Variants in PPP2R2B observed in about 807,000 individuals in gnomAD.
The protein encoded by PPP2R2B is protein phosphatase 2 regulatory subunit Bbeta, also known as serine/threonine-protein phosphatase 2A 55 kDa regulatory subunit B beta isoform.
PPP2R2B carries 5 observed loss-of-function variants against 46.0 expected under a neutral mutation model. That is an observed-to-expected ratio of 0.11 (90% confidence interval 0.06 to 0.23). The LOEUF (loss-of-function observed/expected upper bound fraction) is 0.23. Among genes scored for constraint, PPP2R2B ranks in the 10% least tolerant of loss-of-function variants. The pLI, the probability that PPP2R2B is intolerant of heterozygous loss-of-function variation, is 1.00. For synonymous variants in PPP2R2B, 215 were observed against 206.7 expected (o/e 1.04, Z -0.34); for missense variants, 367 against 575.0 (o/e 0.64, Z 3.70).
At chr5:146,867,397 A>C (rs1460319205) in intron 2 of PPP2R2B, among the ~76,000 whole-genome samples, 21 of 152,116 alleles carry the variant, frequency 1.4e-4, no homozygotes, top group Non-Finnish European at 2.1e-4. Context: ...GAAATTAGTA[A>C]ATTTAAATGG....
intron 2 of PPP2R2B, among the ~76,000 whole-genome samples, chr5:146,723,329 G>T (rs1751644429): frequency 6.6e-6 from 1 of 152,118 alleles, no homozygotes; most frequent in Non-Finnish European, 1.5e-5. Context: ...CAGTCATTCA[G>T]CTTTCCTTTA....
In PPP2R2B at chr5:146,582,174, C is replaced by A. The variant is rs1328843670; in HGVS notation, c.*7773G>T. 6.6e-6 allele frequency: 1 copy of A among 152,194 alleles called. No individual in the cohort carries two copies. The highest frequency in any genetic ancestry group is 2.4e-5 in the African/African-American group (1 of 41,430). 9.4% of individuals were successfully genotyped at this position (152,194 alleles called of 1,614,324 possible). ...TGAAAGATTTCTTTGGGGGTCTTGC[C>A]TTTCCCTAAGAACATCTAGGGGAAG... On this transcript the variant is annotated 3_prime_UTR_variant, in exon 10 of 10. Coordinates refer to ENST00000394411, the MANE Select transcript of PPP2R2B (RefSeq NM_181675.4).
At chr5:146,807,181 G>A (rs1404140034) in intron 2 of PPP2R2B, among the ~76,000 whole-genome samples, 2 of 152,072 alleles carry the variant, frequency 1.3e-5, no homozygotes, top group African/African-American at 4.8e-5. Flanking sequence ...AAGAATCACT[G>A]GTCTTCAAGA....
chr5:146,830,294 A>G (rs1034619727), intron 2 of PPP2R2B, among the ~76,000 whole-genome samples: 1 of 152,248 alleles, frequency 6.6e-6, no homozygotes, highest in Non-Finnish European at 1.5e-5. Flanking sequence ...TTTAAGCCAC[A>G]CGTTTAACAC....
chr5:146,871,809 A>G (rs1048994521), intron 2 of PPP2R2B, among the ~76,000 whole-genome samples: 2 of 152,214 alleles, frequency 1.3e-5, no homozygotes, highest in African/African-American at 4.8e-5. Flanking sequence ...CTTACAAGTG[A>G]GTATGTTTGT....
At chr5:146,752,753 A>C (rs1400834385) in intron 2 of PPP2R2B, among the ~76,000 whole-genome samples, 1 of 146,580 alleles carries the variant, frequency 6.8e-6, no homozygotes, top group Non-Finnish European at 1.5e-5. Flanking sequence ...GGCTCTGGGA[A>C]AACAAAAATG....
At position 146,641,503 on chromosome 5, in the gene PPP2R2B, ATTTTTTTTTTT is replaced by A. The variant is rs61445378; in HGVS notation, c.626-3099_626-3089del. Among the ~76,000 whole-genome samples, 328 of 128,520 alleles carry A rather than the reference ATTTTTTTTTTT, an allele frequency of 2.6e-3. 2 individuals are homozygous for A. Among genetic ancestry groups the A allele is most frequent in the African/African-American group, 8.4e-3 (267 of 31,666 alleles). 84.3% of individuals were successfully genotyped at this position (128,520 alleles called of 152,430 possible). ...AATCAGAATTTTTATGTGCTCTAAG[ATTTTTTTTTTT>A]TTTTTTTTTTTTTTTGAAGCAGAAT... On this transcript the variant is annotated intron_variant, in intron 6 of 9. Transcript: ENST00000394411.
intron 5 of PPP2R2B, among the ~76,000 whole-genome samples, chr5:146,658,737 A>C (rs1776502109): frequency 6.6e-6 from 1 of 152,146 alleles, no homozygotes; most frequent in Non-Finnish European, 1.5e-5. Flanking sequence ...CTTATCCTGA[A>C]TCTTACCAAG....
At chr5:146,716,274 A>G (rs1422031896) in intron 2 of PPP2R2B, among the ~76,000 whole-genome samples, 1 of 152,144 alleles carries the variant, frequency 6.6e-6, no homozygotes, top group Non-Finnish European at 1.5e-5. Context: ...CTTCCTCACA[A>G]AAACTGTAAC....
At chr5:147,069,028 T>C (rs1353858155) in intron 2 of PPP2R2B, among the ~76,000 whole-genome samples, 1 of 151,928 alleles carries the variant, frequency 6.6e-6, no homozygotes, top group Non-Finnish European at 1.5e-5. Flanking sequence ...AAAAATAAAA[T>C]GAAAAAACAA....
chr5:146,592,920 C>T (rs1049340732), intron 9 of PPP2R2B, 51 bp downstream of exon 9: 2 of 1,529,382 alleles, frequency 1.3e-6, no homozygotes, highest in Non-Finnish European at 9.1e-7. Flanking sequence ...ATTCCCTGAG[C>T]CTCTTCAAGA....
At chr5:147,007,965 A>T (rs188823919) in intron 1 of PPP2R2B, among the ~76,000 whole-genome samples, 49 of 152,334 alleles carry the variant, frequency 3.2e-4, no homozygotes, top group Admixed American at 1.5e-3. Context: ...CGGACACAAT[A>T]GTCCATAAGG....
At chr5:147,047,369 AC>A (rs1231883818) in intron 1 of PPP2R2B, among the ~76,000 whole-genome samples, 1 of 152,156 alleles carries the variant, frequency 6.6e-6, no homozygotes, top group African/African-American at 2.4e-5. Flanking sequence ...TAATCTGGTC[AC>A]TGTTCATGGT....
chr5:146,926,147 T>C (rs2151818265), intron 1 of PPP2R2B, among the ~76,000 whole-genome samples: 1 of 152,236 alleles, frequency 6.6e-6, no homozygotes, highest in East Asian at 1.9e-4. Flanking sequence ...ACAGAGTTTC[T>C]ATTAACTGTT....
Position 146,864,773 on chromosome 5 carries a change from C to A in PPP2R2B, c.70+13229G>T, listed in dbSNP as rs184580762. Among the ~76,000 whole-genome samples the A allele has an allele frequency of 9.2e-5, 14 of 152,292 alleles. No individual in the cohort carries two copies. In the East Asian group the frequency reaches 2.5e-3, roughly 27 times the overall value. On this transcript the variant is annotated intron_variant, in intron 2 of 9. Transcript: ENST00000394411. Reference sequence around the variant, plus strand: ...AGGGCAATGGGATCAAATTAAAATTCAATGGCTGTATCTTTAAGAATTTTT... The same window carrying A: ...AGGGCAATGGGATCAAATTAAAATTAAATGGCTGTATCTTTAAGAATTTTT...
At chr5:146,956,682 G>T (rs549343145) in intron 1 of PPP2R2B, among the ~76,000 whole-genome samples, 257 of 152,192 alleles carry the variant, frequency 1.7e-3, no homozygotes, top group Middle Eastern at 0.01. Flanking sequence ...AGCCCATCTG[G>T]TCTACTATAA....
At chr5:146,906,157 C>T (rs1053619341) in intron 1 of PPP2R2B, among the ~76,000 whole-genome samples, 4 of 151,760 alleles carry the variant, frequency 2.6e-5, no homozygotes, top group African/African-American at 9.7e-5. Flanking sequence ...ACACAATAGA[C>T]TTGAAAGAAT....
intron 1 of PPP2R2B, among the ~76,000 whole-genome samples, chr5:146,906,122 TTGAGA>T (rs1389928468): frequency 6.6e-6 from 1 of 151,974 alleles, no homozygotes; most frequent in Non-Finnish European, 1.5e-5. Context: ...ATTGTCTGAG[TTGAGA>T]TATGTTGGAA....
At chr5:146,957,628 A>G (rs1751972025) in intron 1 of PPP2R2B, among the ~76,000 whole-genome samples, 1 of 152,180 alleles carries the variant, frequency 6.6e-6, no homozygotes, top group East Asian at 1.9e-4. Context: ...GGGAGCAGGT[A>G]GAGGCACCTG....
Sources: gnomAD v4.1 joint callset for allele counts (sites outside exome capture counted in the v4.1 genomes callset) on GRCh38, gnomAD v4.1.1 for gene constraint, MANE v1.5 for transcripts, NCBI Gene and HGNC (gene_info 2026-07-23, HGNC 2026-07-21) for gene names.